FGD4: variants seen among roughly 807,000 people sequenced by gnomAD.
The protein encoded by FGD4 is FYVE, RhoGEF and PH domain-containing protein 4.
FGD4 carries 42 observed loss-of-function variants against 102.0 expected under a neutral mutation model. The ratio of observed to expected loss-of-function variants is 0.41; its 90% CI spans 0.32 to 0.53. The LOEUF (loss-of-function observed/expected upper bound fraction) is 0.53. Ranked by LOEUF, FGD4 falls within the 20% of genes least tolerant of loss-of-function variation. The pLI, the probability that FGD4 is intolerant of heterozygous loss-of-function variation, is 0.21. For synonymous variants in FGD4, 380 were observed against 375.7 expected (o/e 1.01, Z -0.13); for missense variants, 902 against 1,078.2 (o/e 0.84, Z 2.29).
intron 1 of FGD4, among the ~76,000 whole-genome samples, chr12:32,540,527 T>A (rs1942728560): frequency 6.6e-6 from 1 of 151,908 alleles, no homozygotes; most frequent in Non-Finnish European, 1.5e-5. Flanking sequence ...TATTAGGCCC[T>A]TCAGGAGATT....
At chr12:32,561,238 C>G (rs1218049369) in intron 1 of FGD4, among the ~76,000 whole-genome samples, 1 of 151,786 alleles carries the variant, frequency 6.6e-6, no homozygotes, top group Admixed American at 6.6e-5. Flanking sequence ...AGGCGCCCAC[C>G]ACCACATCTG....
rs1565922376 is a variant in FGD4, at chr12:32,625,648, T to G, written c.2047-6T>G. On this transcript the variant is annotated splice_polypyrimidine_tract_variant and splice_region_variant and intron_variant, in intron 13 of 16. Transcript: ENST00000534526. ...TATTAAAATTGAATCTTTCTTCCCT[T>G]TTTAGACTGCTGAGCTAGGGAAAAG... 6.2e-7 allele frequency: 1 copy of G among 1,613,852 alleles called. No homozygotes were observed. The highest frequency in any genetic ancestry group is 8.5e-7 in the Non-Finnish European group (1 of 1,179,858).
intron 1 of FGD4, among the ~76,000 whole-genome samples, chr12:32,402,532 C>CG (rs1380236501): frequency 1.3e-5 from 2 of 151,562 alleles, no homozygotes; most frequent in East Asian, 3.9e-4. Context: ...ACTATAGCTT[C>CG]GAACTCATGG....
intron 1 of FGD4, chr12:32,486,261 TAA>T (rs1297198934): frequency 5.1e-6 from 5 of 978,296 alleles, no homozygotes; most frequent in Non-Finnish European, 7.1e-6. Context: ...TGTTTACTGT[TAA>T]GTGATAATAA....
Position 32,491,603 on chromosome 12 carries a change from A to G in FGD4, c.167-72534A>G, listed in dbSNP as rs182228200. ...AATGTATATTCCTGCTGATATGGGA[A>G]AGGTTTCATTTCTTATGTTTGTGAA... On this transcript the variant is annotated intron_variant, in intron 1 of 16. Coordinates refer to ENST00000534526, the MANE Select transcript of FGD4 (RefSeq NM_001370298.3). Among the ~76,000 whole-genome samples, 58 of 152,294 alleles carry G rather than the reference A, an allele frequency of 3.8e-4. No homozygotes were observed. In the East Asian group the frequency reaches 9.8e-3, roughly 26 times the overall value.
intron 1 of FGD4, among the ~76,000 whole-genome samples, chr12:32,466,953 C>A (rs920487064): frequency 6.6e-6 from 1 of 151,878 alleles, no homozygotes; most frequent in African/African-American, 2.4e-5. Context: ...GGGCATCAGC[C>A]TTCACCACCC....
At chr12:32,480,308 C>T (rs1943704513) in intron 1 of FGD4, among the ~76,000 whole-genome samples, 2 of 151,824 alleles carry the variant, frequency 1.3e-5, no homozygotes, top group South Asian at 4.1e-4. Context: ...ATTACAGGTA[C>T]GTGCCACCAT....
intron 7 of FGD4, among the ~76,000 whole-genome samples, chr12:32,603,316 T>TGAATGAA (rs1948544809): frequency 6.6e-6 from 1 of 152,238 alleles, no homozygotes. Context: ...GACTTTTGAA[T>TGAATGAA]GAATGAAGAA....
chr12:32,458,663 T>A (rs968764191), intron 1 of FGD4, among the ~76,000 whole-genome samples: 1 of 152,224 alleles, frequency 6.6e-6, no homozygotes, highest in African/African-American at 2.4e-5. Flanking sequence ...TTGGAACTAG[T>A]GATTTGGTCC....
chr12:32,422,801 TTAATTA>T (rs1941687886), intron 1 of FGD4, among the ~76,000 whole-genome samples: 1 of 152,174 alleles, frequency 6.6e-6, no homozygotes, highest in Non-Finnish European at 1.5e-5. Context: ...CTTAGCCTTC[TTAATTA>T]TAAACTTGAG....
Position 32,585,222 on chromosome 12 carries a change from T to TTATATA in FGD4, c.1011+2785_1011+2790dup, listed in dbSNP as rs140227421. Among the ~76,000 whole-genome samples the TTATATA allele has an allele frequency of 9.0e-3, 1,040 of 116,036 alleles. 16 individuals carry two copies. Among genetic ancestry groups the TTATATA allele is most frequent in the East Asian group, 0.02 (77 of 3,822 alleles). 76.1% of individuals were successfully genotyped at this position (116,036 alleles called of 152,430 possible). On this transcript the variant is annotated intron_variant, in intron 4 of 16. Transcript: ENST00000534526. ...AGAGTGAGACCCTGTCTCAAAAATT[T>TTATATA]TATATATATATATATATATATATAT... is the stretch of plus-strand genomic sequence containing the variant.
intron 4 of FGD4, among the ~76,000 whole-genome samples, chr12:32,591,554 C>T (rs12316266): frequency 0.036 from 5,429 of 152,284 alleles, 315 homozygotes; most frequent in African/African-American, 0.12. Context: ...TTGGTAGCTT[C>T]GAGGCACATG....
At chr12:32,437,203 G>A (rs1263376881) in intron 1 of FGD4, among the ~76,000 whole-genome samples, 3 of 152,040 alleles carry the variant, frequency 2.0e-5, no homozygotes, top group South Asian at 2.1e-4. Context: ...ATTCTCTTTC[G>A]GGTCAGACGT....
At chr12:32,598,384 C>T in intron 4 of FGD4, 113 bp from the exon 5 acceptor site, 1 of 729,198 alleles carries the variant, frequency 1.4e-6, no homozygotes, top group East Asian at 2.6e-5. Flanking sequence ...AACCGAGTAA[C>T]TGAAAAGCTT....
intron 1 of FGD4, among the ~76,000 whole-genome samples, chr12:32,476,759 C>T (rs1211982320): frequency 6.6e-6 from 1 of 152,100 alleles, no homozygotes; most frequent in East Asian, 1.9e-4. Flanking sequence ...AGATTAAGCT[C>T]GCATTTGGCA....
At chr12:32,512,750 T>A (rs1939512280) in intron 1 of FGD4, among the ~76,000 whole-genome samples, 2 of 152,090 alleles carry the variant, frequency 1.3e-5, no homozygotes, top group Admixed American at 6.6e-5. Context: ...GTAGGAAAAA[T>A]TGAGTTATTT....
At chr12:32,533,491 TCTC>T (rs1216284261) in intron 1 of FGD4, among the ~76,000 whole-genome samples, 1 of 152,210 alleles carries the variant, frequency 6.6e-6, no homozygotes, top group African/African-American at 2.4e-5. Flanking sequence ...AGCGGCGCAA[TCTC>T]AGCTCACTGC....
chr12:32,539,557 G>A (rs1393282519), intron 1 of FGD4, among the ~76,000 whole-genome samples: 6 of 145,864 alleles, frequency 4.1e-5, no homozygotes, highest in East Asian at 2.0e-4. Flanking sequence ...CAACAAGAGC[G>A]AAACTCTGTC....
chr12:32,608,145 C>T (rs1270586681), intron 8 of FGD4, 50 bp downstream of exon 8: 1 of 1,607,886 alleles, frequency 6.2e-7, no homozygotes, highest in Non-Finnish European at 8.5e-7. Context: ...ATCAAGTGGC[C>T]AAGCAGCCTT....
Sources: allele counts gnomAD v4.1 joint callset (sites outside exome capture counted in the v4.1 genomes callset), GRCh38; gene constraint gnomAD v4.1.1; transcripts MANE v1.5; gene names NCBI Gene and HGNC (gene_info 2026-07-23, HGNC 2026-07-21).